BCKDHB: variants seen among roughly 807,000 people sequenced by gnomAD.
BCKDHB encodes 2-oxoisovalerate dehydrogenase subunit beta, mitochondrial.
A neutral mutation model predicts 48.5 loss-of-function variants in BCKDHB; 41 were observed. The ratio of observed to expected loss-of-function variants is 0.85; its 90% confidence interval spans 0.66 to 1.10. BCKDHB has a LOEUF of 1.10. Ranked by LOEUF, BCKDHB falls within the 50% of genes least tolerant of loss-of-function variation. BCKDHB has a pLI of 0.00. For missense variants in BCKDHB, 496 were observed against 494.2 expected (o/e 1.00, Z -0.03); for synonymous variants, 201 against 174.8 (o/e 1.15, Z -1.18).
At position 80,264,453 on chromosome 6, in the gene BCKDHB, A is replaced by G. The variant is rs192124509; in HGVS notation, c.952-8682A>G. 2.4e-3 allele frequency among the ~76,000 whole-genome samples: 362 copies of G among 152,298 alleles called. 1 individual carries two copies. The highest frequency in any genetic ancestry group is 6.8e-3 in the Middle Eastern group (2 of 294). On this transcript the variant is annotated intron_variant, in intron 8 of 9. Transcript: ENST00000320393. The stretch of plus-strand genomic sequence containing the variant: ...TACTGGCACAATATGGAGCAAAGCT[A>G]TGAGGCTCAGAGGTTTTCTAGTGTG...
the BCKDHB span, among the ~76,000 whole-genome samples, chr6:80,411,915 G>T: frequency 3.8e-4 from 58 of 152,336 alleles, 1 homozygote; most frequent in African/African-American, 1.2e-3. Flanking sequence ...CAACTTCCCG[G>T]GTGAGGTGAG....
chr6:80,427,640 A>G, the BCKDHB span, among the ~76,000 whole-genome samples: 4 of 152,092 alleles, frequency 2.6e-5, no homozygotes, highest in East Asian at 1.9e-4. Context: ...CTGACTGATG[A>G]CAATAAATTC....
intron 6 of BCKDHB, among the ~76,000 whole-genome samples, chr6:80,182,688 C>A (rs979414852): frequency 6.6e-6 from 1 of 152,072 alleles, no homozygotes; most frequent in Non-Finnish European, 1.5e-5. Context: ...AATACATTTA[C>A]TTCCATGTAA....
intron 3 of BCKDHB, among the ~76,000 whole-genome samples, chr6:80,154,074 G>T (rs997728499): frequency 6.6e-6 from 1 of 152,096 alleles, no homozygotes; most frequent in East Asian, 1.9e-4. Flanking sequence ...CCATTCTTCA[G>T]TGCCTAATTC....
At chr6:80,359,443 A>G in the BCKDHB span, among the ~76,000 whole-genome samples, 4 of 152,242 alleles carry the variant, frequency 2.6e-5, no homozygotes, top group East Asian at 5.8e-4. Flanking sequence ...ACTCATTTCT[A>G]TCATTCTTCT....
chr6:80,232,681 T>TATTG (rs34457002), intron 8 of BCKDHB, among the ~76,000 whole-genome samples: 4 of 1,400 alleles, frequency 2.9e-3, no homozygotes, highest in African/African-American at 0.017. Context: ...TAAATATAAA[T>TATTG]ATAAATGTAA....
chr6:80,405,905 C>T, the BCKDHB span, among the ~76,000 whole-genome samples: 1 of 152,118 alleles, frequency 6.6e-6, no homozygotes, highest in African/African-American at 2.4e-5. Context: ...TATACATGTG[C>T]CATGTTGGCT....
chr6:80,180,925 A>G (rs1294673003), intron 6 of BCKDHB, among the ~76,000 whole-genome samples: 1 of 152,224 alleles, frequency 6.6e-6, no homozygotes, highest in Admixed American at 6.5e-5. Context: ...TAGATTTTTA[A>G]ATTAGTTTCT....
chr6:80,378,960 A>G, the BCKDHB span, among the ~76,000 whole-genome samples: 1 of 152,034 alleles, frequency 6.6e-6, no homozygotes, highest in Non-Finnish European at 1.5e-5. Flanking sequence ...AAATCTCCCA[A>G]CAACAACAAA....
the BCKDHB span, among the ~76,000 whole-genome samples, chr6:80,436,340 T>TAGCCAGGG: frequency 6.6e-6 from 1 of 151,714 alleles, no homozygotes. Flanking sequence ...GCTTTTGTAT[T>TAGCCAGGG]TTTAGTAGAG....
At chr6:80,275,812 G>C (rs1464552953) in intron 9 of BCKDHB, among the ~76,000 whole-genome samples, 1 of 151,928 alleles carries the variant, frequency 6.6e-6, no homozygotes, top group African/African-American at 2.4e-5. Flanking sequence ...GGAAAGCCTT[G>C]TTCCATATTA....
Position 80,344,114 on chromosome 6 carries a change from C to G in BCKDHB, c.*310C>G. ...CCTACCCCTGAGTTCAAGCGATTCT[C>G]CTGCCTCAGCCTGCTGAGTAGTTGG... On this transcript the variant is annotated 3_prime_UTR_variant, in exon 10 of 10. Coordinates refer to ENST00000320393, the MANE Select transcript of BCKDHB (RefSeq NM_183050.4). The G allele has an allele frequency of 2.7e-6, 1 of 365,820 alleles. No homozygotes were observed. The highest frequency in any genetic ancestry group is 2.1e-5 in the African/African-American group (1 of 47,602). 22.7% of individuals were successfully genotyped at this position (365,820 alleles called of 1,614,324 possible).
At chr6:80,343,576 T>C in intron 9 of BCKDHB, 88 bp from the exon 10 acceptor site, 1 of 1,408,022 alleles carries the variant, frequency 7.1e-7, no homozygotes, top group Non-Finnish European at 1.0e-6. Flanking sequence ...AATTGTATTT[T>C]TAGTAAGTGA....
At chr6:80,287,257 T>G (rs1454640572) in intron 9 of BCKDHB, among the ~76,000 whole-genome samples, 1 of 152,198 alleles carries the variant, frequency 6.6e-6, no homozygotes, top group East Asian at 1.9e-4. Flanking sequence ...AAAGTGAGGT[T>G]GTTTGATGTA....
At chr6:80,310,704 C>T (rs990004964) in intron 9 of BCKDHB, among the ~76,000 whole-genome samples, 1 of 152,138 alleles carries the variant, frequency 6.6e-6, no homozygotes, top group African/African-American at 2.4e-5. Flanking sequence ...GTTGAATTTA[C>T]ACTCCCACCA....
At chr6:80,291,122 C>A (rs955244164) in intron 9 of BCKDHB, among the ~76,000 whole-genome samples, 5 of 152,176 alleles carry the variant, frequency 3.3e-5, no homozygotes, top group African/African-American at 1.2e-4. Flanking sequence ...GGAATGCAGT[C>A]CAGTAGGTCT....
the BCKDHB span, among the ~76,000 whole-genome samples, chr6:80,430,199 G>T: frequency 6.6e-6 from 1 of 151,978 alleles, no homozygotes; most frequent in Non-Finnish European, 1.5e-5. Flanking sequence ...CCAGCCTTGC[G>T]TCCCAGGTAT....
In BCKDHB at chr6:80,127,561, A is replaced by G; in HGVS notation, c.211A>G (p.Met71Val). The G allele has an allele frequency of 6.2e-7, 1 of 1,613,348 alleles. No individual in the cohort carries two copies. Among genetic ancestry groups the G allele is most frequent in the South Asian group, 1.1e-5 (1 of 91,066 alleles). Residue 71 changes from methionine to valine, a missense_variant, in exon 2 of 10, where the codon ATG (methionine) becomes GTG (valine). Coordinates refer to ENST00000320393, the MANE Select transcript of BCKDHB (RefSeq NM_183050.4). Reference protein sequence around the residue: ...EPREYGQTQKMNLFQSVTSAL... With the variant: ...EPREYGQTQKVNLFQSVTSAL... ...GATTTTCACAGGGCAAACTCAGAAA[A>G]TGAATCTTTTCCAGTCTGTAACAAG...
At chr6:80,230,735 T>C (rs1775892857) in intron 8 of BCKDHB, among the ~76,000 whole-genome samples, 1 of 152,182 alleles carries the variant, frequency 6.6e-6, no homozygotes. Context: ...GGCAAGGACC[T>C]TCTTGCTGTG....
Sources: gnomAD v4.1 joint callset for allele counts (sites outside exome capture counted in the v4.1 genomes callset) on GRCh38, gnomAD v4.1.1 for gene constraint, MANE v1.5 for transcripts, NCBI Gene and HGNC (gene_info 2026-07-23, HGNC 2026-07-21) for gene names.